MAPK8IP3: variants seen among roughly 807,000 people sequenced by gnomAD.
MAPK8IP3 encodes mitogen-activated protein kinase 8 interacting protein 3, also known as C-Jun-amino-terminal kinase-interacting protein 3.
A neutral mutation model predicts 157.8 loss-of-function variants in MAPK8IP3; 49 were observed. The observed-to-expected ratio is 0.31, with a 90% CI of 0.25 to 0.39. The LOEUF (loss-of-function observed/expected upper bound fraction) is 0.39, where lower values mean the gene tolerates loss of function less well. MAPK8IP3 is among the 10% of genes least tolerant of loss of function. MAPK8IP3 has a pLI of 1.00. For synonymous variants in MAPK8IP3, 897 were observed against 777.7 expected, an observed-to-expected ratio of 1.15 and a Z score of -2.55; for missense variants, 1,478 against 1,889.4, an observed-to-expected ratio of 0.78 and a Z score of 4.04.
rs972195896 is a variant in MAPK8IP3, at chr16:1,710,675, A to C, written c.318+4018A>C. Among the ~76,000 whole-genome samples the C allele has an allele frequency of 6.6e-6, 1 of 152,244 alleles. No homozygotes were observed. Among genetic ancestry groups the C allele is most frequent in the African/African-American group, 2.4e-5 (1 of 41,464 alleles). On this transcript the variant is annotated intron_variant, in intron 1 of 31. Transcript: ENST00000610761. The surrounding 1 kb of genome is among the most constrained non-coding windows in gnomAD (Gnocchi z 4.1). ...CATCAATGAATTAAGATGCTGAATC[A>C]GAAATTTTTATTTTTGTTTTTCATA...
chr16:1,768,747 A>G lies in MAPK8IP3; in HGVS notation c.3937A>G (p.Ser1313Gly), dbSNP rs966679779. 2 of 1,612,770 alleles carry G rather than the reference A, an allele frequency of 1.2e-6. No individual in the cohort carries two copies. Among genetic ancestry groups the G allele is most frequent in the African/African-American group, 1.3e-5 (1 of 75,020 alleles). Residue 1313 changes from serine to glycine, a missense_variant, in exon 32 of 32, where the codon AGC becomes GGC. By Grantham distance (56) the Ser-to-Gly change is moderately conservative. This residue lies in a region of MAPK8IP3 where 133 missense variants were observed against 133.4 expected (regional missense o/e 1.00). Coordinates refer to ENST00000610761, the MANE Select transcript of MAPK8IP3 (RefSeq NM_001318852.2). ...GACGGAGGAGGGCGCAGGGGACATG[A>G]GCCAGGTGAAGCCCGTGCTGTCCAA... ...DETEEGAGDM[S>G]QVKPVLSKAE...
chr16:1,726,796 G>A (rs1277040694), intron 2 of MAPK8IP3, among the ~76,000 whole-genome samples: 2 of 152,178 alleles, frequency 1.3e-5, no homozygotes, highest in Non-Finnish European at 2.9e-5. Flanking sequence ...CTGCCCCAGC[G>A]GGAGCTCACA....
chr16:1,766,503 C>G, intron 22 of MAPK8IP3, 26 bp from the exon 23 acceptor site: 1 of 1,609,248 alleles, frequency 6.2e-7, no homozygotes, highest in Admixed American at 1.7e-5. Flanking sequence ...CCGTGGCCCC[C>G]CCTGGAGCCA....
At chr16:1,768,129 C>T (rs756651565) in intron 29 of MAPK8IP3, 22 bp downstream of exon 29, 2 of 1,612,028 alleles carry the variant, frequency 1.2e-6, no homozygotes, top group African/African-American at 2.7e-5. Context: ...CACCTCGTGT[C>T]CCCTCACGGG....
chr16:1,769,054 T>G lies in MAPK8IP3; in HGVS notation c.*230T>G. Reference sequence around the variant, plus strand: ...CGAGGGGAAGATGCTCTCGGGACAGTTTCCCGGGCAGCTCCTGGCCAGCTT... The same window carrying G: ...CGAGGGGAAGATGCTCTCGGGACAGGTTCCCGGGCAGCTCCTGGCCAGCTT... On this transcript the variant is annotated 3_prime_UTR_variant, in exon 32 of 32. Coordinates refer to ENST00000610761, the MANE Select transcript of MAPK8IP3 (RefSeq NM_001318852.2). 1.7e-6 allele frequency: 1 copy of G among 574,966 alleles called. No individual in the cohort carries two copies. The highest frequency in any genetic ancestry group is 3.1e-6 in the Non-Finnish European group (1 of 324,566). The allele number at this position is 574,966 out of a possible 1,614,324, so 35.6% of individuals were successfully genotyped here.
chr16:1,746,835 T>C, intron 5 of MAPK8IP3, 194 bp from the exon 6 acceptor site: 1 of 638,230 alleles, frequency 1.6e-6, no homozygotes, highest in Non-Finnish European at 2.6e-6. Flanking sequence ...AGTGGCCGGA[T>C]AAGCAGAGCC....
At chr16:1,711,844 G>A (rs1163857222) in intron 1 of MAPK8IP3, among the ~76,000 whole-genome samples, 2 of 151,264 alleles carry the variant, frequency 1.3e-5, no homozygotes, top group Non-Finnish European at 2.9e-5. Context: ...GAAGGCTGAA[G>A]CAGGAGAATC....
At position 1,743,814 on chromosome 16, in the gene MAPK8IP3, A is replaced by G; in HGVS notation, c.747+338A>G. ...TGATCCTCTCTCAAACCACACCCCC[A>G]CATAAAGCCTCATGCTCACCCGGGC... On this transcript the variant is annotated intron_variant, in intron 5 of 31. Transcript: ENST00000610761. The surrounding 1 kb of genome is among the most constrained non-coding windows in gnomAD (Gnocchi z 5.6). The G allele has an allele frequency of 2.5e-6, 3 of 1,197,984 alleles. No homozygotes were observed. Among genetic ancestry groups the G allele is most frequent in the Non-Finnish European group, 3.1e-6 (3 of 962,556 alleles). The allele number at this position is 1,197,984 out of a possible 1,614,324, so 74.2% of individuals were successfully genotyped here.
chr16:1,746,983 G>A, intron 5 of MAPK8IP3, 46 bp from the exon 6 acceptor site: 3 of 1,596,968 alleles, frequency 1.9e-6, no homozygotes, highest in Non-Finnish European at 2.6e-6. Flanking sequence ...CGCAGGCCAG[G>A]GACCTGCAGT....
At chr16:1,737,979 C>T (rs1238270519) in intron 4 of MAPK8IP3, among the ~76,000 whole-genome samples, 4 of 64,482 alleles carry the variant, frequency 6.2e-5, no homozygotes, top group Admixed American at 2.1e-4. Flanking sequence ...AGCGTGTGAC[C>T]GTCCGTGTGA....
At chr16:1,757,920 C>T (rs994773012) in intron 8 of MAPK8IP3, among the ~76,000 whole-genome samples, 1 of 152,256 alleles carries the variant, frequency 6.6e-6, no homozygotes, top group East Asian at 1.9e-4. Flanking sequence ...CAACACAGCC[C>T]TGGGCTGGAC....
intron 4 of MAPK8IP3, among the ~76,000 whole-genome samples, chr16:1,736,996 G>C (rs1382792419): frequency 5.0e-5 from 4 of 80,516 alleles, no homozygotes; most frequent in Non-Finnish European, 7.4e-5. Flanking sequence ...ATCCGTGTGA[G>C]CGTGTGACCG....
At chr16:1,755,711 G>T (rs1392321459) in intron 8 of MAPK8IP3, among the ~76,000 whole-genome samples, 1 of 151,960 alleles carries the variant, frequency 6.6e-6, no homozygotes. Context: ...CCTGGGCCTG[G>T]TGACACATGC....
chr16:1,748,369 G>C, intron 7 of MAPK8IP3, 23 bp downstream of exon 7: 1 of 1,566,192 alleles, frequency 6.4e-7, no homozygotes, highest in Non-Finnish European at 8.8e-7. Context: ...CCCAGGCCCT[G>C]GGGTCCTGGG....
At chr16:1,717,852 G>T (rs1009594182) in intron 1 of MAPK8IP3, among the ~76,000 whole-genome samples, 3 of 149,250 alleles carry the variant, frequency 2.0e-5, no homozygotes, top group African/African-American at 5.1e-5. Context: ...GAAAATTCTT[G>T]GTTCTCTTTT....
rs927466941 is a variant in MAPK8IP3 at position 1,751,215 on chromosome 16, G to A, written c.1216+2495G>A. 2.6e-5 allele frequency among the ~76,000 whole-genome samples: 4 copies of A among 152,056 alleles called. No homozygotes were observed. Among genetic ancestry groups the A allele is most frequent in the African/African-American group, 9.7e-5 (4 of 41,430 alleles). ...TCATGCCCGTAATCCCAGCACTTTG[G>A]GAGGCCGAGGCGGGTGGATTGCTTG... is the stretch of plus-strand genomic sequence containing the variant. On this transcript the variant is annotated intron_variant, in intron 8 of 31. Transcript: ENST00000610761. This position sits in a 1 kb window ranked among gnomAD's most constrained non-coding sequence, Gnocchi z 5.0.
intron 2 of MAPK8IP3, among the ~76,000 whole-genome samples, chr16:1,728,862 A>AG (rs1460632326): frequency 3.4e-5 from 5 of 146,302 alleles, no homozygotes; most frequent in African/African-American, 7.8e-5. Context: ...CACACACAGC[A>AG]GCCCCCCAGA....
chr16:1,712,643 G>A (rs1567134634), intron 1 of MAPK8IP3, among the ~76,000 whole-genome samples: 1 of 152,154 alleles, frequency 6.6e-6, no homozygotes, highest in Non-Finnish European at 1.5e-5. Context: ...GAGTGAGGCT[G>A]TCTTCCCCAG....
intron 1 of MAPK8IP3, among the ~76,000 whole-genome samples, chr16:1,721,719 G>C (rs2038535504): frequency 6.6e-6 from 1 of 152,142 alleles, no homozygotes; most frequent in African/African-American, 2.4e-5. Context: ...GGGATTACAG[G>C]CATGAGCCAC....
Sources: gnomAD v4.1 joint callset for allele counts (sites outside exome capture counted in the v4.1 genomes callset) on GRCh38, gnomAD v4.1.1 for gene constraint, gnomAD v4.1.1 regional missense constraint, Gnocchi (gnomAD v3.1) non-coding constraint, MANE v1.5 for transcripts, NCBI Gene and HGNC (gene_info 2026-07-23, HGNC 2026-07-21) for gene names.